The following SPTBN2 variants were observed in gnomAD, a reference collection of about 807,000 sequenced individuals.
SPTBN2 encodes spectrin beta, non-erythrocytic 2.
A neutral mutation model predicts 284.2 loss-of-function variants in SPTBN2; 107 were observed. That is an observed-to-expected ratio of 0.38 (90% confidence interval 0.32 to 0.44). The LOEUF is 0.44. SPTBN2 is among the 20% of genes least tolerant of loss of function. The pLI, the probability that SPTBN2 is intolerant of heterozygous loss-of-function variation, is 1.00. For missense variants in SPTBN2, 2,569 were observed against 3,287.1 expected (o/e 0.78, Z 5.34); for synonymous variants, 1,289 against 1,354.8 (o/e 0.95, Z 1.07).
intron 3 of SPTBN2, 25 bp downstream of exon 3, chr11:66,721,059 C>A (rs755340865): frequency 3.1e-6 from 5 of 1,614,124 alleles, no homozygotes; most frequent in Non-Finnish European, 3.4e-6. Flanking sequence ...AGCATCCCCC[C>A]ACCTCGACCC....
chr11:66,687,447 G>A lies in SPTBN2; in HGVS notation c.6702C>T (p.Phe2234=), dbSNP rs773474294. The change falls in exon 35 of 38, where the codon TTC becomes TTT. Residue 2234 remains phenylalanine, a synonymous_variant. Transcript: ENST00000533211. This position sits in a 1 kb window ranked among gnomAD's most constrained non-coding sequence, Gnocchi z 5.2. ...MLCRKQEMEA[F]GKKAANRSWQ... ...TGTACCTGTTGGCAGCCTTCTTCCC[G>A]AAGGCCTCCATCTCCTGCTTGCGGC... 59 of 1,607,570 alleles carry A rather than the reference G, an allele frequency of 3.7e-5. No individual in the cohort carries two copies. The highest frequency in any genetic ancestry group is 1.6e-4 in the Middle Eastern group (1 of 6,082).
In SPTBN2 at chr11:66,705,054, T is replaced by TG; in HGVS notation, c.2221dup (p.Gln741ProfsTer25). 1 of 1,597,054 alleles carries TG rather than the reference T, an allele frequency of 6.3e-7. No homozygotes were observed. Among genetic ancestry groups the TG allele is most frequent in the Non-Finnish European group, 8.5e-7 (1 of 1,178,458 alleles). On this transcript the variant is annotated frameshift_variant, in exon 15 of 38. Transcript: ENST00000533211. LOFTEE classifies it high-confidence loss of function. ...GAGGCTGGCGGCTTGGGCCAGCCGC[T>TG]GGGCACGCTCCTCGGCCAGGGCCTC...
At chr11:66,732,690 G>A (rs1297829713), upstream of SPTBN2, among the ~76,000 whole-genome samples, 14 of 149,472 alleles carry the variant, frequency 9.4e-5, no homozygotes, top group Non-Finnish European at 1.0e-4. Context: ...AAGAGGCTGC[G>A]CGCGGTGGCT....
chr11:66,721,732 T>C (rs764981609), intron 1 of SPTBN2, among the ~76,000 whole-genome samples: 1 of 152,160 alleles, frequency 6.6e-6, no homozygotes, highest in Non-Finnish European at 1.5e-5. Context: ...TACTATACCC[T>C]GTAGGCAAGT....
Position 66,702,330 on chromosome 11 carries a change from T to C in SPTBN2, c.2679-609A>G, listed in dbSNP as rs111506238. Among the ~76,000 whole-genome samples the C allele has an allele frequency of 5.3e-3, 809 of 152,248 alleles. 5 individuals carry two copies. Among genetic ancestry groups the C allele is most frequent in the African/African-American group, 0.018 (746 of 41,554 alleles). On this transcript the variant is annotated intron_variant, in intron 15 of 37. Transcript: ENST00000533211. ...ACAGGTGCCCGCCACCAAGCCTAGC[T>C]AATTTTTGTATTTTTGGTGGAGACG... is the stretch of plus-strand genomic sequence containing the variant.
At position 66,701,043 on chromosome 11, in the gene SPTBN2, G is replaced by A; in HGVS notation, c.3056C>T (p.Thr1019Ile). 6.2e-7 allele frequency: 1 copy of A among 1,609,496 alleles called. No homozygotes were observed. The highest frequency in any genetic ancestry group is 1.7e-5 in the Admixed American group (1 of 60,010). The change falls in exon 17 of 38, where the codon ACT (threonine) becomes ATT (isoleucine). Residue 1019 changes from threonine (T) to isoleucine (I), a missense_variant. Transcript: ENST00000533211. Reference sequence around the variant, plus strand: ...GGCAGCCAGGGCATTTGCCTCTCGAGTCAGTTCGCCCACCCGGGCGGCGAT... The same window carrying A: ...GGCAGCCAGGGCATTTGCCTCTCGAATCAGTTCGCCCACCCGGGCGGCGAT... The part of the protein sequence containing the change: ...EAIAARVGEL[T>I]REANALAAGH...
At position 66,718,898 on chromosome 11, in the gene SPTBN2, G is replaced by GGCGGGGGCAGGGCCAGGCCCT. The variant is rs1942266082; in HGVS notation, c.157+2165_157+2185dup. Among the ~76,000 whole-genome samples, 1 of 152,194 alleles carries GGCGGGGGCAGGGCCAGGCCCT rather than the reference G, an allele frequency of 6.6e-6. No homozygotes were observed. Among genetic ancestry groups the GGCGGGGGCAGGGCCAGGCCCT allele is most frequent in the African/African-American group, 2.4e-5 (1 of 41,450 alleles). ...GAGGGGAGAGAGGCGGAGTGTGGCCGGCGGGGGCAGGGCCAGGCCCTGCGG... is the reference window on the plus strand; with the variant it reads ...GAGGGGAGAGAGGCGGAGTGTGGCCGGCGGGGGCAGGGCCAGGCCCTGCGGGGGCAGGGCCAGGCCCTGCGG... On this transcript the variant is annotated intron_variant, in intron 3 of 37. Transcript: ENST00000533211. The surrounding 1 kb of genome is among the most constrained non-coding windows in gnomAD (Gnocchi z 4.8).
At chr11:66,706,556 C>G (rs1184212050) in intron 13 of SPTBN2, among the ~76,000 whole-genome samples, 1 of 151,908 alleles carries the variant, frequency 6.6e-6, no homozygotes, top group African/African-American at 2.4e-5. Context: ...GTCTTGGACT[C>G]CTGACCTCAG....
chr11:66,707,836 AGAG>A lies in SPTBN2; in HGVS notation c.1351-21_1351-19del. ...AAGTTGTCCTGTGTCGGGGGCAGGG[AGAG>A]GAGGTGTGGGGACCAAGGGACAGTG... On this transcript the variant is annotated intron_variant, in intron 12 of 37. Coordinates refer to ENST00000533211, the MANE Select transcript of SPTBN2 (RefSeq NM_006946.4). The surrounding 1 kb of genome is among the most constrained non-coding windows in gnomAD (Gnocchi z 4.9). 6.2e-7 allele frequency: 1 copy of A among 1,605,980 alleles called. No homozygotes were observed.
chr11:66,687,771 T>G lies in SPTBN2; in HGVS notation c.6501+97A>C, dbSNP rs1470024781. 15 of 1,589,214 alleles carry G rather than the reference T, an allele frequency of 9.4e-6. No homozygotes were observed. The highest frequency in any genetic ancestry group is 1.2e-5 in the Non-Finnish European group (14 of 1,158,202). ...AAGCTGCCTGTGAGCCTCTGCCCTC[T>G]CCCATCCCATCCCCAGTACTCCCCC... On this transcript the variant is annotated intron_variant, in intron 34 of 37. Transcript: ENST00000533211. This position sits in a 1 kb window ranked among gnomAD's most constrained non-coding sequence, Gnocchi z 5.2.
intron 5 of SPTBN2, 36 bp from the exon 6 acceptor site, chr11:66,714,443 A>C: frequency 6.5e-7 from 1 of 1,535,072 alleles, no homozygotes; most frequent in Non-Finnish European, 9.0e-7. Flanking sequence ...CAGTCCCTGG[A>C]CAGGAACTCC....
At position 66,700,440 on chromosome 11, in the gene SPTBN2, C is replaced by A. The variant is rs1200738202; in HGVS notation, c.3573+86G>T. The A allele has an allele frequency of 6.3e-7, 1 of 1,581,310 alleles. No homozygotes were observed. Among genetic ancestry groups the A allele is most frequent in the Non-Finnish European group, 8.6e-7 (1 of 1,166,838 alleles). On this transcript the variant is annotated intron_variant, in intron 17 of 37. Transcript: ENST00000533211. The surrounding 1 kb of genome is among the most constrained non-coding windows in gnomAD (Gnocchi z 6.6). ...GCGCTGCCCCATTTTGCTAGCATGT[C>A]CTTCCTGCCCATCCTGCTCCTTCAC...
At chr11:66,739,924 C>T (rs1369540104) in intron 1 of SPTBN2, among the ~76,000 whole-genome samples, 1 of 152,078 alleles carries the variant, frequency 6.6e-6, no homozygotes, top group Admixed American at 6.6e-5. Flanking sequence ...CCCAGCTGCT[C>T]GTGAGGCTGA....
chr11:66,704,757 C>G lies in SPTBN2; in HGVS notation c.2519G>C (p.Arg840Pro), dbSNP rs752988228. 1 of 1,603,766 alleles carries G rather than the reference C, an allele frequency of 6.2e-7. No individual in the cohort carries two copies. Among genetic ancestry groups the G allele is most frequent in the South Asian group, 1.1e-5 (1 of 90,416 alleles). ...CAAGGCCCGCGCTCGCTCGCCTGCC[C>G]GGGCCTGCAGCTCCTCGTAGTGCCG... ...LERHYEELQA[R>P]AGERARALEA... The change falls in exon 15 of 38, where the codon CGG becomes CCG. Residue 840 changes from arginine (R) to proline (P), a missense_variant. Around this residue, in one of 6 missense-constraint regions of SPTBN2, gnomAD observed 1,012 missense variants for 1,248.9 expected, o/e 0.81. Coordinates refer to ENST00000533211, the MANE Select transcript of SPTBN2 (RefSeq NM_006946.4).
At position 66,708,063 on chromosome 11, in the gene SPTBN2, C is replaced by T. The variant is rs534214923; in HGVS notation, c.1350+78G>A. On this transcript the variant is annotated intron_variant, in intron 12 of 37. Coordinates refer to ENST00000533211, the MANE Select transcript of SPTBN2 (RefSeq NM_006946.4). The surrounding 1 kb of genome is among the most constrained non-coding windows in gnomAD (Gnocchi z 4.4). ...GATTTTGTGTTTCATTGTCTCTCCA[C>T]CCCGCGGGGCTTCTTATCCACCCTG... 6 of 1,598,790 alleles carry T rather than the reference C, an allele frequency of 3.8e-6. No individual in the cohort carries two copies. The highest frequency in any genetic ancestry group is 5.1e-6 in the Non-Finnish European group (6 of 1,168,152).
Position 66,687,849 on chromosome 11 carries a change from C to T in SPTBN2, c.6501+19G>A. The T allele has an allele frequency of 1.2e-6, 2 of 1,614,116 alleles. No homozygotes were observed. The highest frequency in any genetic ancestry group is 1.7e-6 in the Non-Finnish European group (2 of 1,179,994). ...CTTCGCCTCACAGTTATCAACACCA[C>T]ACTTGCAGGGGAACTCACCGGCCCT... On this transcript the variant is annotated intron_variant, in intron 34 of 37. Coordinates refer to ENST00000533211, the MANE Select transcript of SPTBN2 (RefSeq NM_006946.4). This position sits in a 1 kb window ranked among gnomAD's most constrained non-coding sequence, Gnocchi z 5.2.
At chr11:66,690,633 T>C (rs921389548) in intron 27 of SPTBN2, among the ~76,000 whole-genome samples, 1 of 152,082 alleles carries the variant, frequency 6.6e-6, no homozygotes, top group Admixed American at 6.5e-5. Flanking sequence ...GTTCTAGTGG[T>C]TGAAGGAAGG....
chr11:66,713,950 C>G, intron 7 of SPTBN2, 141 bp downstream of exon 7: 2 of 962,968 alleles, frequency 2.1e-6, no homozygotes, highest in South Asian at 1.3e-5. Context: ...GCCCTGCACC[C>G]CCATGTTCTG....
chr11:66,700,477 T>C lies in SPTBN2; in HGVS notation c.3573+49A>G. The C allele has an allele frequency of 6.3e-7, 1 of 1,597,210 alleles. No individual in the cohort carries two copies. The highest frequency in any genetic ancestry group is 8.5e-7 in the Non-Finnish European group (1 of 1,178,964). ...TCCTGCTCCTTCACATTTCCCCGGG[T>C]CCCTACTTTGCTCTTCCTCCTGCTT... On this transcript the variant is annotated intron_variant, in intron 17 of 37. Transcript: ENST00000533211. The surrounding 1 kb of genome is among the most constrained non-coding windows in gnomAD (Gnocchi z 6.6).
Sources: gnomAD v4.1 joint callset for allele counts (sites outside exome capture counted in the v4.1 genomes callset) on GRCh38, gnomAD v4.1.1 for gene constraint, gnomAD v4.1.1 regional missense constraint, Gnocchi (gnomAD v3.1) non-coding constraint, MANE v1.5 for transcripts, NCBI Gene and HGNC (gene_info 2026-07-23, HGNC 2026-07-21) for gene names.